The following EVC variants were observed in gnomAD, a reference collection of about 807,000 sequenced individuals.
EVC encodes the protein EvC ciliary complex subunit 1.
EVC carries 116 observed loss-of-function variants against 118.9 expected under a neutral mutation model. The observed-to-expected ratio is 0.98, with a 90% CI of 0.84 to 1.14. EVC has a LOEUF of 1.14. Among genes scored for constraint, EVC ranks in the 50% most tolerant of loss-of-function variants. EVC has a pLI of 0.00. For synonymous variants in EVC, 619 were observed against 534.7 expected (o/e 1.16, Z -2.18); for missense variants, 1,401 against 1,246.4 (o/e 1.12, Z -1.87).
At chr4:5,818,760 C>A (rs12507829), downstream of EVC, among the ~76,000 whole-genome samples, 2 of 152,024 alleles carry the variant, frequency 1.3e-5, no homozygotes, top group Admixed American at 6.5e-5. Flanking sequence ...AGCACCACCC[C>A]AACCTTGGAC....
At chr4:5,744,786 TG>T (rs1300938063) in intron 6 of EVC, among the ~76,000 whole-genome samples, 1 of 152,160 alleles carries the variant, frequency 6.6e-6, no homozygotes, top group Non-Finnish European at 1.5e-5. Flanking sequence ...GGCAAGTTTC[TG>T]GCCTTTAAAC....
At chr4:5,773,932 C>A (rs1734351736) in intron 11 of EVC, among the ~76,000 whole-genome samples, 2 of 152,064 alleles carry the variant, frequency 1.3e-5, no homozygotes, top group African/African-American at 4.8e-5. Flanking sequence ...TGATGAGGAA[C>A]AAAAGTCTCC....
At chr4:5,717,488 A>T (rs1724168985) in intron 1 of EVC, among the ~76,000 whole-genome samples, 5 of 152,062 alleles carry the variant, frequency 3.3e-5, no homozygotes, top group Non-Finnish European at 7.4e-5. Context: ...TGTGGGATAT[A>T]TATATTTTTT....
At chr4:5,766,765 A>G (rs1292849561) in intron 11 of EVC, among the ~76,000 whole-genome samples, 1 of 130,648 alleles carries the variant, frequency 7.7e-6, no homozygotes, top group African/African-American at 3.0e-5. Context: ...CAGCTCCTTT[A>G]AGCACTTCTC....
chr4:5,815,613 A>G (rs1473921178), downstream of EVC, among the ~76,000 whole-genome samples: 1 of 152,066 alleles, frequency 6.6e-6, no homozygotes, highest in Non-Finnish European at 1.5e-5. Flanking sequence ...AATAAAAGAG[A>G]GAGGGAGAGG....
chr4:5,741,340 A>G (rs956765487), intron 5 of EVC, among the ~76,000 whole-genome samples: 3 of 152,194 alleles, frequency 2.0e-5, no homozygotes, highest in East Asian at 1.9e-4. Flanking sequence ...CCAGTTCCAT[A>G]CAACTATCCC....
chr4:5,719,097 C>A lies in EVC; in HGVS notation c.175-151C>A. The A allele has an allele frequency of 9.4e-7, 1 of 1,067,926 alleles. No homozygotes were observed. The highest frequency in any genetic ancestry group is 1.4e-6 in the Non-Finnish European group (1 of 696,494). 66.2% of individuals were successfully genotyped at this position (1,067,926 alleles called of 1,614,324 possible). On this transcript the variant is annotated intron_variant, in intron 1 of 20. Coordinates refer to ENST00000264956, the MANE Select transcript of EVC (RefSeq NM_153717.3). This position sits in a 1 kb window ranked among gnomAD's most constrained non-coding sequence, Gnocchi z 4.7. ...CCCACGTGGGGTGGGAGGCGTCACA[C>A]ACAGAAGACCAAGCTTGAGAAGCAC... is the stretch of plus-strand genomic sequence containing the variant.
intron 7 of EVC, 142 bp from the exon 8 acceptor site, chr4:5,748,006 A>C (rs1729628702): frequency 1.1e-6 from 1 of 948,630 alleles, no homozygotes; most frequent in Admixed American, 2.0e-5. Flanking sequence ...GATTGTTGCC[A>C]AGATAAACTC....
chr4:5,793,865 C>T, intron 13 of EVC, 148 bp downstream of exon 13: 1 of 711,420 alleles, frequency 1.4e-6, no homozygotes, highest in Non-Finnish European at 2.6e-6. Context: ...GCCTCGATTT[C>T]CTCATCTATA....
In EVC at chr4:5,753,041, G is replaced by T; in HGVS notation, c.1304G>T (p.Arg435Leu). 6.3e-7 allele frequency: 1 copy of T among 1,597,198 alleles called. No individual in the cohort carries two copies. Among genetic ancestry groups the T allele is most frequent in the East Asian group, 2.3e-5 (1 of 44,214 alleles). ...QHKAFWQEAERFSREFVQRGK... is the reference protein window; with the variant it reads ...QHKAFWQEAELFSREFVQRGK... ...AAGGCCTTCTGGCAGGAGGCAGAGC[G>T]CTTCAGCCGGGGTGAGCCGTGGGCA... The change falls in exon 9 of 21, where the codon CGC becomes CTC. Residue 435 changes from arginine (R) to leucine (L), a missense_variant. Physicochemically the swap from Arg to Leu is moderately radical, Grantham distance 102. Coordinates refer to ENST00000264956, the MANE Select transcript of EVC (RefSeq NM_153717.3).
At chr4:5,827,993 C>T in the EVC span, 11 of 970,426 alleles carry the variant, frequency 1.1e-5, no homozygotes, top group African/African-American at 1.1e-4. Context: ...AGGGCAGAAA[C>T]GTCAAGGGAG....
rs905232607 is a variant in EVC, at chr4:5,810,331, C to T, written c.2783-8C>T. ...AGAGCCATGCCTGGGTTCATCTGTC[C>T]TCTACAGAGAAGCCCCTAAGGACTA... On this transcript the variant is annotated splice_polypyrimidine_tract_variant and splice_region_variant and intron_variant, in intron 19 of 20. Coordinates refer to ENST00000264956, the MANE Select transcript of EVC (RefSeq NM_153717.3). The T allele has an allele frequency of 6.2e-6, 10 of 1,608,800 alleles. No homozygotes were observed. The Admixed American group carries it at 1.2e-4, about 19-fold the overall frequency.
Position 5,743,374 on chromosome 4 carries a change from T to C in EVC, c.801+1560T>C, listed in dbSNP as rs749446235. On this transcript the variant is annotated intron_variant, in intron 6 of 20. Coordinates refer to ENST00000264956, the MANE Select transcript of EVC (RefSeq NM_153717.3). This position sits in a 1 kb window ranked among gnomAD's most constrained non-coding sequence, Gnocchi z 4.7. ...CGTTACTACTATCACCAGCCTCTTA[T>C]TCATCATCCCCTGCCATCATTTTCA... Among the ~76,000 whole-genome samples the C allele has an allele frequency of 5.3e-5, 8 of 152,314 alleles. No homozygotes were observed. The highest frequency in any genetic ancestry group is 3.4e-3 in the Middle Eastern group (1 of 294).
At chr4:5,810,477 C>T in intron 20 of EVC, 27 bp downstream of exon 20, 2 of 1,570,500 alleles carry the variant, frequency 1.3e-6, no homozygotes, top group African/African-American at 1.3e-5. Context: ...GACCTGTTGC[C>T]TGTGGCTGGG....
intron 13 of EVC, among the ~76,000 whole-genome samples, chr4:5,794,269 T>TTTA: frequency 7.3e-6 from 1 of 137,268 alleles, no homozygotes; most frequent in Middle Eastern, 3.7e-3. Flanking sequence ...ATTTATATAT[T>TTTA]TATATATATT....
chr4:5,711,846 T>TACC (rs1278982847), intron 1 of EVC, among the ~76,000 whole-genome samples: 4 of 152,032 alleles, frequency 2.6e-5, no homozygotes, highest in Non-Finnish European at 1.5e-5. Context: ...GCACCAAGGG[T>TACC]TTGGACAGGA....
At chr4:5,771,335 C>A (rs1328356868) in intron 11 of EVC, among the ~76,000 whole-genome samples, 1 of 152,138 alleles carries the variant, frequency 6.6e-6, no homozygotes, top group African/African-American at 2.4e-5. Flanking sequence ...GCCGGCTACT[C>A]CTGCCTCTGC....
At chr4:5,711,876 G>T (rs1199635525) in intron 1 of EVC, among the ~76,000 whole-genome samples, 1 of 152,226 alleles carries the variant, frequency 6.6e-6, no homozygotes, top group African/African-American at 2.4e-5. Flanking sequence ...TGCTCGCCAT[G>T]GTGGACAGAA....
chr4:5,758,280 G>A (rs985766451), intron 11 of EVC: 4 of 575,370 alleles, frequency 7.0e-6, no homozygotes, highest in Non-Finnish European at 1.2e-5. Flanking sequence ...CCTCCGGAAC[G>A]GTGAGAGAAT....
Sources: gnomAD v4.1 joint callset for allele counts (sites outside exome capture counted in the v4.1 genomes callset) on GRCh38, gnomAD v4.1.1 for gene constraint, Gnocchi (gnomAD v3.1) non-coding constraint, MANE v1.5 for transcripts, NCBI Gene and HGNC (gene_info 2026-07-23, HGNC 2026-07-21) for gene names.